FAM135B: variants seen among roughly 807,000 people sequenced by gnomAD.
The protein encoded by FAM135B is family with sequence similarity 135 member B.
Under a neutral mutation model 127.7 loss-of-function variants are expected in FAM135B, and 43 were observed. That is an observed-to-expected ratio of 0.34 (90% CI 0.26 to 0.43). The LOEUF (loss-of-function observed/expected upper bound fraction) is 0.43. FAM135B is among the 20% of genes least tolerant of loss of function. The pLI, the probability that FAM135B is intolerant of heterozygous loss-of-function variation, is 1.00. For missense variants in FAM135B, 1,558 were observed against 1,725.6 expected, an observed-to-expected ratio of 0.90 and a Z score of 1.72; for synonymous variants, 670 against 665.1, an observed-to-expected ratio of 1.01 and a Z score of -0.11.
At chr8:138,162,871 A>G (rs1424687590) in intron 12 of FAM135B, among the ~76,000 whole-genome samples, 3 of 152,228 alleles carry the variant, frequency 2.0e-5, no homozygotes, top group Non-Finnish European at 4.4e-5. Flanking sequence ...CCTTGTATAA[A>G]TGAGTCATCT....
chr8:138,372,722 G>A (rs764720440), intron 1 of FAM135B, among the ~76,000 whole-genome samples: 8 of 152,160 alleles, frequency 5.3e-5, no homozygotes, highest in African/African-American at 1.9e-4. Context: ...CTTTGTTACA[G>A]AAGACATAAC....
intron 1 of FAM135B, among the ~76,000 whole-genome samples, chr8:138,398,814 G>A (rs80104076): frequency 2.6e-5 from 4 of 152,094 alleles, no homozygotes; most frequent in Non-Finnish European, 4.4e-5. Context: ...TGAGATACTC[G>A]GTCTTCATAT....
intron 7 of FAM135B, among the ~76,000 whole-genome samples, chr8:138,203,386 CT>C (rs1481173428): frequency 6.6e-6 from 1 of 152,206 alleles, no homozygotes. Flanking sequence ...AGATTCCAGA[CT>C]TCGTTCTCAC....
At chr8:138,360,852 G>T (rs909859597) in intron 2 of FAM135B, among the ~76,000 whole-genome samples, 1 of 151,954 alleles carries the variant, frequency 6.6e-6, no homozygotes, top group Non-Finnish European at 1.5e-5. Context: ...ATTAAAACAC[G>T]GTCTCCTAAG....
intron 1 of FAM135B, among the ~76,000 whole-genome samples, chr8:138,453,646 G>T: frequency 6.6e-6 from 1 of 152,126 alleles, no homozygotes; most frequent in Non-Finnish European, 1.5e-5. Flanking sequence ...CAGAGTCCAG[G>T]TCACTCCATA....
At chr8:138,137,540 T>C (rs1816769580) in intron 18 of FAM135B, among the ~76,000 whole-genome samples, 1 of 152,056 alleles carries the variant, frequency 6.6e-6, no homozygotes, top group Non-Finnish European at 1.5e-5. Flanking sequence ...TCATCAGCCA[T>C]GAAAGCTAAG....
intron 3 of FAM135B, among the ~76,000 whole-genome samples, chr8:138,283,800 G>A (rs1339200581): frequency 1.3e-5 from 2 of 152,074 alleles, no homozygotes; most frequent in East Asian, 3.9e-4. Context: ...CCATGTTAAG[G>A]AGATTAGGGA....
chr8:138,365,561 T>C (rs1221757791), intron 2 of FAM135B, among the ~76,000 whole-genome samples: 1 of 152,230 alleles, frequency 6.6e-6, no homozygotes, highest in Admixed American at 6.5e-5. Context: ...GATTAGCTTA[T>C]CATCTTTAAT....
intron 2 of FAM135B, among the ~76,000 whole-genome samples, chr8:138,320,338 T>C (rs556200121): frequency 6.6e-6 from 1 of 152,304 alleles, no homozygotes; most frequent in South Asian, 2.1e-4. Context: ...GTCACATAGC[T>C]AGTCAATGGA....
At chr8:138,434,778 C>G (rs1267755001) in intron 1 of FAM135B, among the ~76,000 whole-genome samples, 1 of 152,312 alleles carries the variant, frequency 6.6e-6, no homozygotes, top group Non-Finnish European at 1.5e-5. Flanking sequence ...ACCAATCCCA[C>G]CAGCCTCTTA....
chr8:138,362,472 T>C (rs1830492960), intron 2 of FAM135B, among the ~76,000 whole-genome samples: 1 of 152,094 alleles, frequency 6.6e-6, no homozygotes, highest in African/African-American at 2.4e-5. Flanking sequence ...TATAGCTGTT[T>C]CCACAACCTC....
intron 15 of FAM135B, among the ~76,000 whole-genome samples, chr8:138,144,806 A>C (rs1331575692): frequency 6.6e-6 from 1 of 152,198 alleles, no homozygotes; most frequent in Non-Finnish European, 1.5e-5. Flanking sequence ...GCAGCCATGA[A>C]GCCGCATCAG....
At chr8:138,142,782 T>C (rs144245506) in intron 16 of FAM135B, 191 of 431,622 alleles carry the variant, frequency 4.4e-4, no homozygotes, top group African/African-American at 3.4e-3. Context: ...TCCAAGACTC[T>C]TTCTACAGAA....
chr8:138,393,267 C>T (rs1563964179), intron 1 of FAM135B, among the ~76,000 whole-genome samples: 1 of 152,112 alleles, frequency 6.6e-6, no homozygotes, highest in African/African-American at 2.4e-5. Flanking sequence ...CAAACCACAT[C>T]AGGTGTTTCT....
chr8:138,215,034 C>T (rs1029576287), intron 7 of FAM135B, among the ~76,000 whole-genome samples: 2 of 152,080 alleles, frequency 1.3e-5, no homozygotes, highest in Non-Finnish European at 2.9e-5. Context: ...AAGAAGGGAT[C>T]GGGGATAATT....
chr8:138,132,382 T>A lies in FAM135B; in HGVS notation c.*211A>T, dbSNP rs1415451895. ...ATGACACTCCAGGTAACTATACAAA[T>A]TCAAGCAAAGTTTGTTGTCATTTAG... On this transcript the variant is annotated 3_prime_UTR_variant, in exon 20 of 20. Transcript: ENST00000395297. The surrounding 1 kb of genome is among the most constrained non-coding windows in gnomAD (Gnocchi z 4.5). 3.7e-6 allele frequency: 2 copies of A among 547,068 alleles called. No individual in the cohort carries two copies. Among genetic ancestry groups the A allele is most frequent in the African/African-American group, 3.8e-5 (2 of 52,854 alleles). 33.9% of individuals were successfully genotyped at this position (547,068 alleles called of 1,614,324 possible).
At chr8:138,207,054 G>A (rs1275648300) in intron 7 of FAM135B, among the ~76,000 whole-genome samples, 1 of 152,098 alleles carries the variant, frequency 6.6e-6, no homozygotes, top group Non-Finnish European at 1.5e-5. Flanking sequence ...ATATGGCTCT[G>A]TCCACATGCG....
At chr8:138,210,829 T>C (rs976790784) in intron 7 of FAM135B, among the ~76,000 whole-genome samples, 1 of 152,092 alleles carries the variant, frequency 6.6e-6, no homozygotes, top group Admixed American at 6.5e-5. Flanking sequence ...CAAACAAGCA[T>C]AGGAAACATA....
chr8:138,454,843 A>G (rs1836689241), intron 1 of FAM135B, among the ~76,000 whole-genome samples: 1 of 152,206 alleles, frequency 6.6e-6, no homozygotes, highest in South Asian at 2.1e-4. Context: ...TATGTTGCCC[A>G]CAATGCTGCA....
Sources: allele counts gnomAD v4.1 joint callset (sites outside exome capture counted in the v4.1 genomes callset), GRCh38; gene constraint gnomAD v4.1.1; non-coding constraint Gnocchi (gnomAD v3.1); transcripts MANE v1.5; gene names NCBI Gene and HGNC (gene_info 2026-07-23, HGNC 2026-07-21).